Variants in DNAI1 observed in about 807,000 individuals in gnomAD.
The protein encoded by DNAI1 is dynein, axonemal, intermediate polypeptide 1.
A neutral mutation model predicts 92.0 loss-of-function variants in DNAI1; 67 were observed. The ratio of observed to expected loss-of-function variants is 0.73; its 90% confidence interval spans 0.60 to 0.89. DNAI1 has a LOEUF of 0.89. DNAI1 is among the 40% of genes least tolerant of loss of function. The pLI is 0.00. For missense variants in DNAI1, 839 were observed against 866.6 expected, an observed-to-expected ratio of 0.97 and a Z score of 0.40; for synonymous variants, 323 against 319.6, an observed-to-expected ratio of 1.01 and a Z score of -0.11.
chr9:34,490,771 T>TGGGAG lies in DNAI1; in HGVS notation c.621+295_621+299dup, dbSNP rs561079591. On this transcript the variant is annotated intron_variant, in intron 7 of 19. Transcript: ENST00000242317. ...TTGTAGAGGGGTAGAAATTAGGACT[T>TGGGAG]GGGAGGGGAGGGGAGGCCACAGTGT... Among the ~76,000 whole-genome samples the TGGGAG allele has an allele frequency of 4.6e-3, 705 of 152,044 alleles. 4 individuals carry two copies. Among genetic ancestry groups the TGGGAG allele is most frequent in the Admixed American group, 0.01 (159 of 15,276 alleles).
In DNAI1 at chr9:34,506,798, A is replaced by G. The variant is rs1056525406; in HGVS notation, c.1235A>G (p.Asn412Ser). The change falls in exon 13 of 20, where the codon AAC (asparagine) becomes AGC (serine). Residue 412 changes from asparagine to serine, a missense_variant. Coordinates refer to ENST00000242317, the MANE Select transcript of DNAI1 (RefSeq NM_012144.4). ...GHYDGNVAIY[N>S]LKKPHSQPSF... ...TATGACGGCAACGTGGCCATTTACAACCTCAAGAAGCCCCACTCCCAGCCC... is the reference window on the plus strand; with the variant it reads ...TATGACGGCAACGTGGCCATTTACAGCCTCAAGAAGCCCCACTCCCAGCCC... 6 of 1,613,864 alleles carry G rather than the reference A, an allele frequency of 3.7e-6. No individual in the cohort carries two copies. In the African/African-American group the frequency reaches 6.7e-5, roughly 18 times the overall value.
In DNAI1 at chr9:34,506,661, G is replaced by C; in HGVS notation, c.1098G>C (p.Leu366=). 6.2e-7 allele frequency: 1 copy of C among 1,614,204 alleles called. No individual in the cohort carries two copies. Among genetic ancestry groups the C allele is most frequent in the Non-Finnish European group, 8.5e-7 (1 of 1,180,042 alleles). The change falls in exon 13 of 20, where the codon CTG becomes CTC. Residue 366 remains leucine (L), a synonymous_variant. Coordinates refer to ENST00000242317, the MANE Select transcript of DNAI1 (RefSeq NM_012144.4). The stretch of plus-strand genomic sequence containing the variant: ...TGAAGCAGAGCCGGGGCATGCTGCT[G>C]CTCTACAGCCTGAAGAACCCCAGCT... ...DFMKQSRGML[L]LYSLKNPSFP... is the part of the protein sequence containing the mutation.
intron 10 of DNAI1, among the ~76,000 whole-genome samples, chr9:34,499,990 G>T (rs2447): frequency 0.05 from 7,558 of 152,242 alleles, 275 homozygotes; most frequent in Non-Finnish European, 0.065. Context: ...GAGGGATGTT[G>T]TCATAATACA....
At chr9:34,496,277 G>C (rs1253735528) in intron 9 of DNAI1, among the ~76,000 whole-genome samples, 5 of 152,210 alleles carry the variant, frequency 3.3e-5, no homozygotes, top group Admixed American at 2.6e-4. Context: ...ACCTGACGCT[G>C]CTGTTTCTGA....
chr9:34,474,146 T>C (rs1824194785), intron 1 of DNAI1, among the ~76,000 whole-genome samples: 1 of 152,258 alleles, frequency 6.6e-6, no homozygotes, highest in South Asian at 2.1e-4. Context: ...TGGCGAATAT[T>C]TGTGTTTTTC....
intron 1 of DNAI1, among the ~76,000 whole-genome samples, chr9:34,473,434 A>G (rs1388999147): frequency 6.6e-6 from 1 of 151,790 alleles, no homozygotes; most frequent in Non-Finnish European, 1.5e-5. Context: ...CTGGGATTAC[A>G]GGTACTTGCC....
chr9:34,518,903 A>C (rs979114832), intron 19 of DNAI1, among the ~76,000 whole-genome samples: 1 of 124,944 alleles, frequency 8.0e-6, no homozygotes, highest in Admixed American at 7.7e-5. Flanking sequence ...CATCTCCCAT[A>C]GTTTCAGTTC....
At chr9:34,519,247 G>C (rs1422210150) in intron 19 of DNAI1, among the ~76,000 whole-genome samples, 1 of 152,136 alleles carries the variant, frequency 6.6e-6, no homozygotes, top group Non-Finnish European at 1.5e-5. Flanking sequence ...CTTCCCCACA[G>C]AGGTCTGGAC....
In DNAI1 at chr9:34,489,275, C is replaced by A. The variant is rs1263599999; in HGVS notation, c.262-48C>A. 1.9e-6 allele frequency: 3 copies of A among 1,610,586 alleles called. No individual in the cohort carries two copies. In the Admixed American group the frequency reaches 5.0e-5, roughly 27 times the overall value. On this transcript the variant is annotated intron_variant, in intron 4 of 19. Coordinates refer to ENST00000242317, the MANE Select transcript of DNAI1 (RefSeq NM_012144.4). ...AATGAAAGCAGATTACATTTTGACT[C>A]CAGCTCTTTTAGGGATCCCTGGTCT...
rs182542702 is a variant in DNAI1, at chr9:34,485,001, G to T, written c.82-141G>T. ...GAGCAGTTCTTTTGGACTCTTTCAT[G>T]AGTGGTATGTTATACATTTTGTATT... is the stretch of plus-strand genomic sequence containing the variant. On this transcript the variant is annotated intron_variant, in intron 2 of 19. Coordinates refer to ENST00000242317, the MANE Select transcript of DNAI1 (RefSeq NM_012144.4). The T allele has an allele frequency of 3.3e-4, 267 of 808,070 alleles. 3 individuals carry two copies. The Admixed American group carries it at 5.2e-3, about 16-fold the overall frequency. The allele number at this position is 808,070 out of a possible 1,614,324, so 50.1% of individuals were successfully genotyped here.
chr9:34,516,439 G>A (rs144173185), intron 18 of DNAI1, among the ~76,000 whole-genome samples: 2 of 152,294 alleles, frequency 1.3e-5, no homozygotes, highest in African/African-American at 4.8e-5. Context: ...GTGAGAGTTG[G>A]TAGTGGTTTG....
intron 1 of DNAI1, among the ~76,000 whole-genome samples, chr9:34,459,776 G>A (rs1823910643): frequency 6.6e-6 from 1 of 152,364 alleles, no homozygotes; most frequent in South Asian, 2.1e-4. Context: ...ACCCTTTGCT[G>A]TGTGCCTAGC....
chr9:34,510,720 T>A (rs966957648), intron 13 of DNAI1, among the ~76,000 whole-genome samples: 6 of 152,122 alleles, frequency 3.9e-5, no homozygotes, highest in Admixed American at 3.3e-4. Context: ...CGTCTGCTCA[T>A]TAAACACTTC....
rs758459005 is a variant in DNAI1, at chr9:34,493,167, G to A, written c.682-27G>A. 7 of 1,614,152 alleles carry A rather than the reference G, an allele frequency of 4.3e-6. No homozygotes were observed. In the South Asian group the frequency reaches 6.6e-5, roughly 15 times the overall value. On this transcript the variant is annotated intron_variant, in intron 8 of 19. Transcript: ENST00000242317. ...CTGGGTAAAGATTGCACCTTACAATGATCCTTCTTATCTCACCCTTGCCTA... is the reference window on the plus strand; with the variant it reads ...CTGGGTAAAGATTGCACCTTACAATAATCCTTCTTATCTCACCCTTGCCTA...
chr9:34,476,168 C>G (rs553735423), intron 1 of DNAI1, among the ~76,000 whole-genome samples: 1 of 152,258 alleles, frequency 6.6e-6, no homozygotes, highest in South Asian at 2.1e-4. Context: ...CAGCAAGGTG[C>G]CTAGCTATTA....
intron 10 of DNAI1, among the ~76,000 whole-genome samples, chr9:34,500,418 C>T (rs905407317): frequency 6.6e-6 from 1 of 152,076 alleles, no homozygotes; most frequent in African/African-American, 2.4e-5. Flanking sequence ...ACAAGGGCTG[C>T]GAACCTGGGA....
intron 1 of DNAI1, among the ~76,000 whole-genome samples, chr9:34,473,821 C>T (rs543825972): frequency 1.1e-4 from 17 of 151,952 alleles, no homozygotes; most frequent in African/African-American, 4.1e-4. Context: ...ACCTTCTGGG[C>T]TCAAGTGATC....
rs200945732 is a variant in DNAI1 at position 34,493,322 on chromosome 9, G to A, written c.810G>A (p.Glu270=). The change falls in exon 9 of 20, where the codon GAG becomes GAA. Residue 270 remains glutamate, a synonymous_variant. Transcript: ENST00000242317. ...CCATGAGGAAGCTGACATCTATGGA[G>A]TCTCAGGTTTGGTGTTAGTTCCTAC... The part of the protein sequence containing the change: ...KMAMRKLTSM[E]SQTDDLIKLS... 13 of 1,614,096 alleles carry A rather than the reference G, an allele frequency of 8.1e-6. No individual in the cohort carries two copies. In the East Asian group the frequency reaches 2.5e-4, roughly 30 times the overall value.
chr9:34,510,667 G>C (rs991680874), intron 13 of DNAI1, among the ~76,000 whole-genome samples: 1 of 152,098 alleles, frequency 6.6e-6, no homozygotes, highest in African/African-American at 2.4e-5. Context: ...TGGGCATCAG[G>C]CTGCTAAGTG....
Sources: allele counts gnomAD v4.1 joint callset (sites outside exome capture counted in the v4.1 genomes callset), GRCh38; gene constraint gnomAD v4.1.1; transcripts MANE v1.5; gene names NCBI Gene and HGNC (gene_info 2026-07-23, HGNC 2026-07-21).